Variants in CCDC18 observed in about 807,000 individuals in gnomAD.
CCDC18 encodes the protein coiled-coil domain-containing protein 18.
In CCDC18, 157 loss-of-function variants were observed where a neutral mutation model predicts 196.0. The observed-to-expected ratio is 0.80, with a 90% CI of 0.70 to 0.91. The LOEUF is 0.91. Among genes scored for constraint, CCDC18 ranks in the 40% least tolerant of loss-of-function variants. The probability of loss-of-function intolerance (pLI) is 0.00; values close to 1 mark genes in which losing one functional copy is unlikely to be tolerated. For missense variants in CCDC18, 1,465 were observed against 1,611.6 expected (o/e 0.91, Z 1.56); for synonymous variants, 482 against 529.2 (o/e 0.91, Z 1.22).
At chr1:93,188,062 A>G (rs544072469) in intron 4 of CCDC18, among the ~76,000 whole-genome samples, 12 of 152,326 alleles carry the variant, frequency 7.9e-5, no homozygotes, top group Admixed American at 2.0e-4. Flanking sequence ...AGCATTTTGA[A>G]CCTTTCTTTT....
At chr1:93,191,079 A>C in intron 4 of CCDC18, 1 of 625,314 alleles carries the variant, frequency 1.6e-6, no homozygotes. Context: ...GAGTGCTATC[A>C]GCAAGGAGAT....
chr1:93,268,620 T>C (rs189469584), intron 27 of CCDC18, among the ~76,000 whole-genome samples: 1 of 152,126 alleles, frequency 6.6e-6, no homozygotes, highest in African/African-American at 2.4e-5. Flanking sequence ...GAGAAGGATA[T>C]GAACAGACAC....
intron 17 of CCDC18, among the ~76,000 whole-genome samples, chr1:93,227,450 G>A (rs667680): frequency 0.17 from 26,193 of 151,794 alleles, 2,489 homozygotes; most frequent in African/African-American, 0.22. Flanking sequence ...TTACAGGCAT[G>A]AGCCACTGCA....
chr1:93,256,623 A>G, intron 25 of CCDC18, 85 bp downstream of exon 25: 2 of 1,088,000 alleles, frequency 1.8e-6, no homozygotes, highest in South Asian at 1.4e-5. Context: ...TAGTTCTTTC[A>G]AAAATGAACT....
intron 27 of CCDC18, among the ~76,000 whole-genome samples, chr1:93,269,263 CTG>C (rs1293695271): frequency 1.8e-5 from 2 of 113,576 alleles, no homozygotes; most frequent in African/African-American, 3.6e-5. Flanking sequence ...ACATCACACA[CTG>C]GGGCCTGTTG....
intron 26 of CCDC18, among the ~76,000 whole-genome samples, chr1:93,261,900 T>C (rs570597166): frequency 1.3e-5 from 2 of 152,302 alleles, no homozygotes; most frequent in South Asian, 4.1e-4. Context: ...TTGGGTAATT[T>C]ATAAAGAAAA....
chr1:93,253,655 T>C (rs1461435751), intron 23 of CCDC18, among the ~76,000 whole-genome samples: 3 of 152,228 alleles, frequency 2.0e-5, no homozygotes, highest in Non-Finnish European at 4.4e-5. Flanking sequence ...TCCGGTCCAC[T>C]GCTGAGACTG....
intron 6 of CCDC18, among the ~76,000 whole-genome samples, chr1:93,197,367 A>C (rs1370747444): frequency 6.6e-6 from 1 of 152,206 alleles, no homozygotes; most frequent in Non-Finnish European, 1.5e-5. Context: ...ATCGGTAAGC[A>C]ATAAGAAATA....
chr1:93,183,850 G>A (rs1302233205), intron 2 of CCDC18, 128 bp from the exon 3 acceptor site: 2 of 505,204 alleles, frequency 4.0e-6, no homozygotes, highest in Non-Finnish European at 6.5e-6. Flanking sequence ...TGGAAACATT[G>A]CCTTATGTTC....
chr1:93,223,153 T>C (rs1657715547), intron 16 of CCDC18, among the ~76,000 whole-genome samples: 1 of 152,184 alleles, frequency 6.6e-6, no homozygotes, highest in Non-Finnish European at 1.5e-5. Context: ...GCCACTTAAC[T>C]CCTGGTTTTC....
At chr1:93,211,651 G>A (rs769080909) in intron 10 of CCDC18, among the ~76,000 whole-genome samples, 7 of 152,114 alleles carry the variant, frequency 4.6e-5, no homozygotes, top group Non-Finnish European at 7.3e-5. Context: ...CATTCATATT[G>A]AGATAGAGTA....
At chr1:93,204,770 T>C (rs1340211325) in intron 7 of CCDC18, among the ~76,000 whole-genome samples, 2 of 152,048 alleles carry the variant, frequency 1.3e-5, no homozygotes, top group Non-Finnish European at 2.9e-5. Context: ...TTATTATTAT[T>C]ATACTTTAAG....
chr1:93,196,606 T>C (rs965050543), intron 6 of CCDC18, among the ~76,000 whole-genome samples: 4 of 152,206 alleles, frequency 2.6e-5, no homozygotes, highest in Non-Finnish European at 5.9e-5. Flanking sequence ...TCTGTAGTCA[T>C]ATGGGGAAAA....
chr1:93,212,245 A>G lies in CCDC18; in HGVS notation c.1479A>G (p.Leu493=), dbSNP rs1275138090. 1 of 1,587,168 alleles carries G rather than the reference A, an allele frequency of 6.3e-7. No individual in the cohort carries two copies. Among genetic ancestry groups the G allele is most frequent in the Non-Finnish European group, 8.5e-7 (1 of 1,170,062 alleles). The change falls in exon 11 of 29, where the codon CTA becomes CTG. Residue 493 remains leucine (L), a synonymous_variant. Coordinates refer to ENST00000690025, the MANE Select transcript of CCDC18 (RefSeq NM_001378204.1). Reference sequence around the variant, plus strand: ...GTTTAGAAACAGAACCTGTAAAGCTAGGTGGTCATCAAGTAGGTAAGTATA... The same window carrying G: ...GTTTAGAAACAGAACCTGTAAAGCTGGGTGGTCATCAAGTAGGTAAGTATA... ...LSSLETEPVK[L]GGHQVAESVK...
chr1:93,271,009 AAGAG>A, intron 28 of CCDC18, 195 bp downstream of exon 28: 1 of 984,200 alleles, frequency 1.0e-6, no homozygotes. Context: ...AATACGGGGA[AAGAG>A]AGAGGCAGAG....
At chr1:93,227,461 C>A (rs1374272772) in intron 17 of CCDC18, among the ~76,000 whole-genome samples, 2 of 151,940 alleles carry the variant, frequency 1.3e-5, no homozygotes, top group Non-Finnish European at 1.5e-5. Context: ...AGCCACTGCA[C>A]CCAGACTTGG....
At chr1:93,202,143 A>G (rs1282754819) in intron 7 of CCDC18, among the ~76,000 whole-genome samples, 155 bp downstream of exon 7, 2 of 152,242 alleles carry the variant, frequency 1.3e-5, no homozygotes, top group African/African-American at 4.8e-5. Flanking sequence ...AATGTTAGTT[A>G]AGGATGATGT....
At chr1:93,192,457 G>T (rs1333632596) in intron 5 of CCDC18, among the ~76,000 whole-genome samples, 1 of 152,180 alleles carries the variant, frequency 6.6e-6, no homozygotes, top group Non-Finnish European at 1.5e-5. Flanking sequence ...TTTACAGAAA[G>T]GGTCTCACTG....
upstream of CCDC18, chr1:93,180,311 T>C: frequency 1.3e-6 from 2 of 1,491,974 alleles, no homozygotes; most frequent in South Asian, 2.5e-5. Context: ...GTTTCCTCTC[T>C]GGACTCCTCG....
Sources: allele counts gnomAD v4.1 joint callset (sites outside exome capture counted in the v4.1 genomes callset), GRCh38; gene constraint gnomAD v4.1.1; transcripts MANE v1.5; gene names NCBI Gene and HGNC (gene_info 2026-07-23, HGNC 2026-07-21).